The following PAK4 variants were observed in gnomAD, a reference collection of about 807,000 sequenced individuals.
PAK4 encodes serine/threonine-protein kinase PAK 4.
Under a neutral mutation model 53.5 loss-of-function variants are expected in PAK4, and 49 were observed. That is an observed-to-expected ratio of 0.92 (90% CI 0.73 to 1.16). PAK4 has a LOEUF of 1.16. Among genes scored for constraint, PAK4 ranks in the 50% most tolerant of loss-of-function variants. The pLI is 0.00. For synonymous variants in PAK4, 376 were observed against 375.6 expected (o/e 1.00, Z -0.01); for missense variants, 824 against 850.7 (o/e 0.97, Z 0.39).
At chr19:39,171,674 C>CT (rs1193850759) in intron 2 of PAK4, among the ~76,000 whole-genome samples, 1 of 152,224 alleles carries the variant, frequency 6.6e-6, no homozygotes, top group Non-Finnish European at 1.5e-5. Context: ...AGGCCTCTGG[C>CT]TGGAGGATGC....
chr19:39,133,720 C>G (rs998167348), intron 1 of PAK4, among the ~76,000 whole-genome samples: 1 of 152,190 alleles, frequency 6.6e-6, no homozygotes, highest in Non-Finnish European at 1.5e-5. Flanking sequence ...GAGAGCTCCC[C>G]GTCCCAGACC....
intron 6 of PAK4, among the ~76,000 whole-genome samples, chr19:39,176,242 G>C (rs940656744): frequency 1.3e-5 from 2 of 152,220 alleles, no homozygotes; most frequent in African/African-American, 4.8e-5. Context: ...ACTTGTTCCA[G>C]GGCAGCAGGG....
exon 8 of PAK4, chr19:39,177,701 G>C: frequency 6.2e-7 from 1 of 1,613,612 alleles, no homozygotes; most frequent in Non-Finnish European, 8.5e-7. Context: ...TGGGGATAAT[G>C]GTGATTGAGA....
chr19:39,175,219 T>G lies in PAK4; in HGVS notation c.1233-93T>G, dbSNP rs563119400. 1 of 1,481,610 alleles carries G rather than the reference T, an allele frequency of 6.7e-7. No homozygotes were observed. Among genetic ancestry groups the G allele is most frequent in the East Asian group, 2.4e-5 (1 of 41,800 alleles). 91.8% of individuals were successfully genotyped at this position (1,481,610 alleles called of 1,614,324 possible). On this transcript the variant is annotated intron_variant, in intron 5 of 8. Coordinates refer to ENST00000358301, the Ensembl canonical transcript of PAK4. This position sits in a 1 kb window ranked among gnomAD's most constrained non-coding sequence, Gnocchi z 4.7. ...CACTCCAGAGTGGGGTCGAGTGGTC[T>G]CAGATTCCTCCCACTGCAAGGCAGG...
rs1340647934 is a variant in PAK4 at position 39,128,411 on chromosome 19, T to C, written c.-23+2492T>C. On this transcript the variant is annotated intron_variant, in intron 1 of 8. Coordinates refer to ENST00000358301, the Ensembl canonical transcript of PAK4. ...TGGCAGGGTCAGGGAGCCGGCACACTGCCAGGCAGCCCTCTGAGGCTGGCC... is the reference window on the plus strand; with the variant it reads ...TGGCAGGGTCAGGGAGCCGGCACACCGCCAGGCAGCCCTCTGAGGCTGGCC... Among the ~76,000 whole-genome samples the C allele has an allele frequency of 3.9e-5, 6 of 152,144 alleles. No individual in the cohort carries two copies. In the South Asian group the frequency reaches 1.2e-3, roughly 32 times the overall value.
chr19:39,173,169 A>G lies in PAK4; in HGVS notation c.456A>G (p.Arg152=). 6.5e-7 allele frequency: 1 copy of G among 1,540,698 alleles called. No individual in the cohort carries two copies. Among genetic ancestry groups the G allele is most frequent in the Middle Eastern group, 1.8e-4 (1 of 5,540 alleles). ...CGGGTGGCGGCAGTGGTGACAGGCG[A>G]CGGGCGGGGCCAGAGAAGAGGCCCA... The change falls in exon 3 of 9, where the codon CGA becomes CGG. Residue 152 remains arginine (R), a synonymous_variant. Transcript: ENST00000358301. The surrounding 1 kb of genome is among the most constrained non-coding windows in gnomAD (Gnocchi z 6.9).
chr19:39,139,125 T>C (rs543363045), intron 1 of PAK4, among the ~76,000 whole-genome samples: 2 of 152,200 alleles, frequency 1.3e-5, no homozygotes, highest in African/African-American at 2.4e-5. Context: ...CTCCCCACTT[T>C]CCTGCAGCAC....
At chr19:39,169,544 C>T (rs775288678) in exon 2 of PAK4, 30 of 1,611,772 alleles carry the variant, frequency 1.9e-5, no homozygotes, top group Non-Finnish European at 2.5e-5. Context: ...CGCACCGAGT[C>T]CCCGGCACCA....
At chr19:39,145,560 G>A (rs954646784) in intron 1 of PAK4, among the ~76,000 whole-genome samples, 1 of 152,258 alleles carries the variant, frequency 6.6e-6, no homozygotes. Context: ...GGTTTGAGGC[G>A]GCCACCTCCA....
At chr19:39,169,335 C>T (rs1449620274) in intron 1 of PAK4, among the ~76,000 whole-genome samples, 197 bp from the exon 3 acceptor site, 4 of 152,050 alleles carry the variant, frequency 2.6e-5, no homozygotes, top group Non-Finnish European at 4.4e-5. Flanking sequence ...GGGACGTGAC[C>T]GCTCGGGTGC....
intron 1 of PAK4, among the ~76,000 whole-genome samples, chr19:39,127,826 C>T (rs2073618023): frequency 6.6e-6 from 1 of 152,146 alleles, no homozygotes; most frequent in Admixed American, 6.5e-5. Flanking sequence ...TGGGAAGGCT[C>T]TGAAGGATGG....
chr19:39,128,969 C>G (rs2073646215), intron 1 of PAK4, among the ~76,000 whole-genome samples: 1 of 152,220 alleles, frequency 6.6e-6, no homozygotes, highest in South Asian at 2.1e-4. Flanking sequence ...TTGGAAGCTC[C>G]CTGGGCAGTT....
At chr19:39,176,839 A>C in intron 7 of PAK4, 124 bp downstream of exon 8, 1 of 1,157,962 alleles carries the variant, frequency 8.6e-7, no homozygotes. Context: ...TGCTCTGGAC[A>C]AGGAGGTACT....
chr19:39,156,072 G>A (rs1331228209), intron 1 of PAK4, among the ~76,000 whole-genome samples: 3 of 152,146 alleles, frequency 2.0e-5, no homozygotes, highest in East Asian at 1.9e-4. Context: ...TCAGGATGGC[G>A]ATATGGGGGC....
At chr19:39,174,944 G>A (rs1277935204) in exon 5 of PAK4, 2 of 1,613,858 alleles carry the variant, frequency 1.2e-6, no homozygotes, top group South Asian at 1.1e-5. Context: ...GTAATCATGA[G>A]GGACTACCAG....
chr19:39,155,872 C>T (rs1220687816), intron 1 of PAK4, among the ~76,000 whole-genome samples: 4 of 152,246 alleles, frequency 2.6e-5, no homozygotes, highest in African/African-American at 9.6e-5. Context: ...TGAGGCAAAG[C>T]CCCGGAGCCC....
chr19:39,154,742 C>T (rs2074148506), intron 1 of PAK4, among the ~76,000 whole-genome samples: 1 of 152,204 alleles, frequency 6.6e-6, no homozygotes, highest in East Asian at 1.9e-4. Context: ...ACCTGCCCGT[C>T]TGGTTTGCAG....
chr19:39,146,425 A>G (rs374337794), intron 1 of PAK4, among the ~76,000 whole-genome samples: 6 of 152,362 alleles, frequency 3.9e-5, no homozygotes, highest in African/African-American at 1.4e-4. Flanking sequence ...AAGGAGAGCA[A>G]ATAGCATGTT....
In PAK4 at chr19:39,174,015, G is replaced by GGGCGCTGCT; in HGVS notation, c.1098+7_1098+15dup. ...CGCGAGCTGCTCTTCAACGAGGTGC[G>GGGCGCTGCT]GGCGCTGCTGCCCTGCCGCCCTGCT... On this transcript the variant is annotated splice_donor_region_variant and intron_variant, in intron 4 of 8. Transcript: ENST00000358301. The GGGCGCTGCT allele has an allele frequency of 6.4e-7, 1 of 1,559,106 alleles. No homozygotes were observed. Among genetic ancestry groups the GGGCGCTGCT allele is most frequent in the African/African-American group, 1.4e-5 (1 of 72,660 alleles).
Sources: allele counts gnomAD v4.1 joint callset (sites outside exome capture counted in the v4.1 genomes callset), GRCh38; gene constraint gnomAD v4.1.1; non-coding constraint Gnocchi (gnomAD v3.1); transcripts MANE v1.5; gene names NCBI Gene and HGNC (gene_info 2026-07-23, HGNC 2026-07-21).